Variants in ADRA1D observed in about 807,000 individuals in gnomAD.
ADRA1D encodes the protein alpha-1D adrenergic receptor.
A neutral mutation model predicts 18.6 loss-of-function variants in ADRA1D; 22 were observed. The ratio of observed to expected loss-of-function variants is 1.19; its 90% CI spans 0.85 to 1.69. The LOEUF (loss-of-function observed/expected upper bound fraction) is 1.69. ADRA1D is among the 40% of genes most tolerant of loss of function. The probability of loss-of-function intolerance (pLI) is 0.00; values close to 1 mark genes in which losing one functional copy is unlikely to be tolerated. For missense variants in ADRA1D, 840 were observed against 840.7 expected (o/e 1.00, Z 0.01); for synonymous variants, 376 against 388.2 (o/e 0.97, Z 0.37).
At chr20:4,225,708 G>A (rs1444435807) in intron 1 of ADRA1D, among the ~76,000 whole-genome samples, 2 of 152,154 alleles carry the variant, frequency 1.3e-5, no homozygotes, top group Admixed American at 1.3e-4. Context: ...GAGCCACCGT[G>A]CCTGGTTTAT....
At chr20:4,232,165 C>T (rs1276727241) in intron 1 of ADRA1D, among the ~76,000 whole-genome samples, 3 of 152,334 alleles carry the variant, frequency 2.0e-5, no homozygotes, top group African/African-American at 2.4e-5. Context: ...CCACCCGCCT[C>T]GGCTTCCTAA....
Position 4,221,913 on chromosome 20 carries a change from G to T in ADRA1D, c.1329C>A (p.Ser443Arg), listed in dbSNP as rs1352421592. ...TCGGGGCGCAGTCCTGGCGCAGGCC[G>T]CTGGTGGAGGCCCGCCAGTGGTGGC... ...VYGHHWRAST[S>R]GLRQDCAPSS... Residue 443 changes from serine (S) to arginine (R), a missense_variant, in exon 2 of 2, where the codon AGC becomes AGA. Ser to Arg is a moderately radical substitution (Grantham distance 110). Coordinates refer to ENST00000379453, the MANE Select transcript of ADRA1D (RefSeq NM_000678.4). 1 of 1,526,514 alleles carries T rather than the reference G, an allele frequency of 6.6e-7. No homozygotes were observed. Among genetic ancestry groups the T allele is most frequent in the Non-Finnish European group, 8.8e-7 (1 of 1,139,030 alleles). The allele number at this position is 1,526,514 out of a possible 1,614,324, so 94.6% of individuals were successfully genotyped here. A position where few individuals can be genotyped will look rare whatever the true frequency, so the allele number is the denominator to read the frequency against.
chr20:4,230,538 GC>G (rs1410090546), intron 1 of ADRA1D, among the ~76,000 whole-genome samples: 27 of 152,148 alleles, frequency 1.8e-4, no homozygotes, highest in African/African-American at 6.3e-4. Context: ...GCCCCTGACA[GC>G]CCCTGGCCTC....
At chr20:4,244,592 C>G (rs1981291109) in intron 1 of ADRA1D, among the ~76,000 whole-genome samples, 1 of 152,230 alleles carries the variant, frequency 6.6e-6, no homozygotes, top group Admixed American at 6.5e-5. Context: ...CATATACCAG[C>G]CCCTGGGGGT....
In ADRA1D at chr20:4,222,185, C is replaced by T. The variant is rs1023970746; in HGVS notation, c.1112-55G>A. The T allele has an allele frequency of 1.9e-6, 3 of 1,573,556 alleles. No homozygotes were observed. In the African/African-American group the frequency reaches 4.2e-5, roughly 22 times the overall value. ...GCTGCTTGGGGAGGGGGAGGCCAGGCGGCTCTGGGCGCAAAGGGGAGACCC... is the reference window on the plus strand; with the variant it reads ...GCTGCTTGGGGAGGGGGAGGCCAGGTGGCTCTGGGCGCAAAGGGGAGACCC... On this transcript the variant is annotated intron_variant, in intron 1 of 1. Transcript: ENST00000379453. The surrounding 1 kb of genome is among the most constrained non-coding windows in gnomAD (Gnocchi z 4.3).
intron 1 of ADRA1D, among the ~76,000 whole-genome samples, chr20:4,244,923 G>T (rs905015610): frequency 6.6e-6 from 1 of 152,234 alleles, no homozygotes; most frequent in African/African-American, 2.4e-5. Context: ...TCGGAAAGGT[G>T]CCCTGAGAAG....
At chr20:4,245,975 G>C (rs1981327755) in intron 1 of ADRA1D, among the ~76,000 whole-genome samples, 1 of 152,160 alleles carries the variant, frequency 6.6e-6, no homozygotes, top group South Asian at 2.1e-4. Context: ...CACTACAAAA[G>C]CTACAGTTCC....
At chr20:4,234,331 T>A (rs1981040169) in intron 1 of ADRA1D, among the ~76,000 whole-genome samples, 1 of 152,172 alleles carries the variant, frequency 6.6e-6, no homozygotes, top group South Asian at 2.1e-4. Flanking sequence ...TTAATAGCAC[T>A]CTTTTGGCAT....
chr20:4,227,064 A>G (rs1186701460), intron 1 of ADRA1D, among the ~76,000 whole-genome samples: 1 of 152,206 alleles, frequency 6.6e-6, no homozygotes, highest in Non-Finnish European at 1.5e-5. Context: ...GTGGCATACC[A>G]TGAGTGTGAA....
At position 4,248,105 on chromosome 20, in the gene ADRA1D, T is replaced by TGGTGCTGCGCGC. The variant is rs757049056; in HGVS notation, c.841_852dup (p.Ala281_Thr284dup). 18 of 1,558,186 alleles carry TGGTGCTGCGCGC rather than the reference T, an allele frequency of 1.2e-5. No homozygotes were observed. The highest frequency in any genetic ancestry group is 1.4e-5 in the Non-Finnish European group (16 of 1,151,372). On this transcript the variant is annotated inframe_insertion, in exon 1 of 2. Transcript: ENST00000379453. ...TTGACGCCCGCCTCGAGGCTGCGCG[T>TGGTGCTGCGCGC]GGTGCTGCGCGCGACCACGTACACG...
intron 1 of ADRA1D, among the ~76,000 whole-genome samples, chr20:4,242,212 A>T (rs1001246858): frequency 3.9e-5 from 6 of 152,258 alleles, no homozygotes; most frequent in African/African-American, 1.4e-4. Context: ...GCAGTATAAC[A>T]TCCATGAAAT....
Position 4,248,112 on chromosome 20 carries a change from G to A in ADRA1D, c.846C>T (p.Arg282=), listed in dbSNP as rs61759851. Residue 282 remains arginine, a synonymous_variant, in exon 1 of 2, where the codon CGC becomes CGT. Coordinates refer to ENST00000379453, the MANE Select transcript of ADRA1D (RefSeq NM_000678.4). ...CCGCCTCGAGGCTGCGCGTGGTGCTGCGCGCGACCACGTACACGCGGCAGT... is the reference window on the plus strand; with the variant it reads ...CCGCCTCGAGGCTGCGCGTGGTGCTACGCGCGACCACGTACACGCGGCAGT... The part of the protein sequence containing the change: ...VMYCRVYVVA[R]STTRSLEAGV... The A allele has an allele frequency of 1.3e-6, 2 of 1,560,160 alleles. No individual in the cohort carries two copies. The highest frequency in any genetic ancestry group is 1.7e-6 in the Non-Finnish European group (2 of 1,152,316).
chr20:4,227,352 G>C (rs1024542303), intron 1 of ADRA1D, among the ~76,000 whole-genome samples: 1 of 152,142 alleles, frequency 6.6e-6, no homozygotes, highest in Non-Finnish European at 1.5e-5. Flanking sequence ...TCCTGACCCA[G>C]CTGAGCTATT....
intron 1 of ADRA1D, among the ~76,000 whole-genome samples, chr20:4,238,077 C>T (rs1369450993): frequency 6.7e-6 from 1 of 150,294 alleles, no homozygotes; most frequent in Non-Finnish European, 1.5e-5. Flanking sequence ...GTGAAACCCC[C>T]CCCGTCTCTA....
intron 1 of ADRA1D, among the ~76,000 whole-genome samples, chr20:4,230,384 A>C (rs1421813308): frequency 6.6e-6 from 1 of 152,172 alleles, no homozygotes; most frequent in Non-Finnish European, 1.5e-5. Flanking sequence ...TTGCTGAATG[A>C]ATCCCTCCTC....
chr20:4,237,590 C>T (rs1981122951), intron 1 of ADRA1D, among the ~76,000 whole-genome samples: 1 of 151,626 alleles, frequency 6.6e-6, no homozygotes, highest in Admixed American at 6.6e-5. Context: ...ATGGCAGGAG[C>T]TACCCTGAGT....
chr20:4,225,706 G>C (rs556377738), intron 1 of ADRA1D, among the ~76,000 whole-genome samples: 2 of 152,088 alleles, frequency 1.3e-5, no homozygotes, highest in African/African-American at 2.4e-5. Flanking sequence ...GTGAGCCACC[G>C]TGCCTGGTTT....
intron 1 of ADRA1D, among the ~76,000 whole-genome samples, chr20:4,244,977 C>T (rs1159745004): frequency 1.3e-5 from 2 of 152,096 alleles, no homozygotes; most frequent in Non-Finnish European, 1.5e-5. Context: ...TTAGGGCCTC[C>T]TCCACCCCCC....
At chr20:4,224,478 A>G (rs1432012614) in intron 1 of ADRA1D, among the ~76,000 whole-genome samples, 1 of 152,208 alleles carries the variant, frequency 6.6e-6, no homozygotes, top group Non-Finnish European at 1.5e-5. Context: ...GGCACAATCC[A>G]GGCAGCAGAG....
Sources: allele counts gnomAD v4.1 joint callset (sites outside exome capture counted in the v4.1 genomes callset), GRCh38; gene constraint gnomAD v4.1.1; non-coding constraint Gnocchi (gnomAD v3.1); transcripts MANE v1.5; gene names NCBI Gene and HGNC (gene_info 2026-07-23, HGNC 2026-07-21).